Variants in ZFYVE1 observed in about 807,000 individuals in gnomAD.
The protein encoded by ZFYVE1 is zinc finger FYVE domain-containing protein 1.
A neutral mutation model predicts 74.4 loss-of-function variants in ZFYVE1; 30 were observed. The ratio of observed to expected loss-of-function variants is 0.40; its 90% confidence interval spans 0.30 to 0.55. The LOEUF (loss-of-function observed/expected upper bound fraction) is 0.55. Among genes scored for constraint, ZFYVE1 ranks in the 20% least tolerant of loss-of-function variants. ZFYVE1 has a pLI of 0.42. For missense variants in ZFYVE1, 703 were observed against 1,011.6 expected (o/e 0.69, Z 4.14); for synonymous variants, 335 against 385.1 (o/e 0.87, Z 1.52).
chr14:73,021,317 C>T (rs914594275), intron 2 of ZFYVE1, among the ~76,000 whole-genome samples: 3 of 151,588 alleles, frequency 2.0e-5, no homozygotes, highest in African/African-American at 4.9e-5. Flanking sequence ...CACTGCACTC[C>T]AGCCTGGGGG....
intron 2 of ZFYVE1, among the ~76,000 whole-genome samples, chr14:73,012,989 G>C (rs1755794739): frequency 6.6e-6 from 1 of 152,130 alleles, no homozygotes; most frequent in Non-Finnish European, 1.5e-5. Context: ...GGATCATGCT[G>C]CCCCTTCACT....
intron 2 of ZFYVE1, among the ~76,000 whole-genome samples, chr14:73,009,508 G>T (rs976896925): frequency 6.6e-6 from 1 of 152,220 alleles, no homozygotes; most frequent in Non-Finnish European, 1.5e-5. Context: ...TGTAATCTCA[G>T]CACTATGGGA....
At chr14:73,009,523 G>A (rs187917767) in intron 2 of ZFYVE1, among the ~76,000 whole-genome samples, 2 of 152,348 alleles carry the variant, frequency 1.3e-5, no homozygotes, top group East Asian at 1.9e-4. Flanking sequence ...ATGGGAGGCC[G>A]AGGCGGGAGG....
chr14:72,990,543 C>T (rs568359755), intron 4 of ZFYVE1, among the ~76,000 whole-genome samples: 8 of 151,080 alleles, frequency 5.3e-5, no homozygotes, highest in East Asian at 3.9e-4. Flanking sequence ...ATTACAGCCA[C>T]GCACCACCAC....
chr14:72,981,218 T>G (rs527389179), intron 5 of ZFYVE1, among the ~76,000 whole-genome samples: 1 of 152,182 alleles, frequency 6.6e-6, no homozygotes, highest in Non-Finnish European at 1.5e-5. Flanking sequence ...ATCTTAAACA[T>G]AGCAATGCAG....
chr14:73,013,036 G>A (rs910661019), intron 2 of ZFYVE1, among the ~76,000 whole-genome samples: 2 of 152,096 alleles, frequency 1.3e-5, no homozygotes, highest in Non-Finnish European at 2.9e-5. Flanking sequence ...CCAGAACCAG[G>A]CTCTGACAGT....
chr14:72,992,625 C>CCCA (rs1491527805), intron 4 of ZFYVE1, among the ~76,000 whole-genome samples: 2 of 107,758 alleles, frequency 1.9e-5, no homozygotes, highest in Non-Finnish European at 4.0e-5. Flanking sequence ...GCCCCCCCCG[C>CCCA]CCCTTGCAAG....
intron 4 of ZFYVE1, among the ~76,000 whole-genome samples, chr14:72,986,673 C>G (rs1314448308): frequency 6.6e-6 from 1 of 151,220 alleles, no homozygotes; most frequent in Non-Finnish European, 1.5e-5. Flanking sequence ...GGACTACAGG[C>G]GCGTGCCACC....
At chr14:72,990,568 G>T (rs1252673356) in intron 4 of ZFYVE1, among the ~76,000 whole-genome samples, 1 of 149,276 alleles carries the variant, frequency 6.7e-6, no homozygotes, top group Non-Finnish European at 1.5e-5. Flanking sequence ...AGCTAATTTC[G>T]TATTTTTAGT....
intron 2 of ZFYVE1, among the ~76,000 whole-genome samples, chr14:73,012,982 T>G (rs1378695834): frequency 6.6e-6 from 1 of 152,124 alleles, no homozygotes; most frequent in Non-Finnish European, 1.5e-5. Context: ...TTGCTCAGGA[T>G]CATGCTGCCC....
At chr14:73,003,048 T>C (rs1221750328) in intron 2 of ZFYVE1, among the ~76,000 whole-genome samples, 3 of 108,450 alleles carry the variant, frequency 2.8e-5, no homozygotes, top group South Asian at 3.1e-4. Context: ...GCCCTTTTTT[T>C]CTTTTCTTTT....
chr14:72,994,322 C>CAAAAAAAA (rs71109776), intron 3 of ZFYVE1, among the ~76,000 whole-genome samples: 420 of 31,120 alleles, frequency 0.013, 43 homozygotes, highest in African/African-American at 0.035. Context: ...GACGCTGTCT[C>CAAAAAAAA]AAAAAAAAAA....
intron 2 of ZFYVE1, among the ~76,000 whole-genome samples, chr14:73,022,251 G>T (rs1894334133): frequency 6.6e-6 from 1 of 152,174 alleles, no homozygotes; most frequent in African/African-American, 2.4e-5. Context: ...ATCTGTGTTA[G>T]CAAAGTATTA....
chr14:73,016,760 G>A (rs1275540490), intron 2 of ZFYVE1, among the ~76,000 whole-genome samples: 1 of 151,648 alleles, frequency 6.6e-6, no homozygotes, highest in Non-Finnish European at 1.5e-5. Flanking sequence ...TGTAATCCCA[G>A]CTACTCAGGA....
At chr14:73,014,575 A>G (rs922216986) in intron 2 of ZFYVE1, among the ~76,000 whole-genome samples, 1 of 152,250 alleles carries the variant, frequency 6.6e-6, no homozygotes, top group East Asian at 1.9e-4. Context: ...TAAGAAACCA[A>G]TAATAGATAT....
chr14:73,010,933 C>T (rs1894078868), intron 2 of ZFYVE1, among the ~76,000 whole-genome samples: 1 of 151,662 alleles, frequency 6.6e-6, no homozygotes, highest in African/African-American at 2.4e-5. Flanking sequence ...AAGGATTTTA[C>T]ATATGTTTTT....
Position 72,978,234 on chromosome 14 carries a change from C to T in ZFYVE1, c.1420G>A (p.Ala474Thr), listed in dbSNP as rs148974502. ...QYDNRVYTCK[A>T]CYERGEEVSV... ...ACTTCCTCGCCTCTCTCATAGCAGGCCTGAAACAGGAAACACTCTGCTAGC... is the reference window on the plus strand; with the variant it reads ...ACTTCCTCGCCTCTCTCATAGCAGGTCTGAAACAGGAAACACTCTGCTAGC... Residue 474 changes from alanine (A) to threonine (T), a missense_variant and splice_region_variant, in exon 7 of 12, where the codon GCC becomes ACC. Ala to Thr is a moderately conservative substitution (Grantham distance 58, BLOSUM62 0). Transcript: ENST00000556143. The T allele has an allele frequency of 3.0e-4, 487 of 1,613,508 alleles. 1 individual carries two copies. Among genetic ancestry groups the T allele is most frequent in the Non-Finnish European group, 3.8e-4 (451 of 1,179,656 alleles).
intron 2 of ZFYVE1, among the ~76,000 whole-genome samples, chr14:73,015,490 C>G (rs1894183720): frequency 6.6e-6 from 1 of 152,026 alleles, no homozygotes; most frequent in Middle Eastern, 3.4e-3. Flanking sequence ...CCCCTGGGTT[C>G]ATGCAATTCT....
At chr14:72,989,111 A>G (rs759363963) in intron 4 of ZFYVE1, among the ~76,000 whole-genome samples, 2 of 151,950 alleles carry the variant, frequency 1.3e-5, no homozygotes, top group African/African-American at 2.4e-5. Context: ...TATTTTTAAT[A>G]GAGATGGGGT....
Sources: gnomAD v4.1 joint callset for allele counts (sites outside exome capture counted in the v4.1 genomes callset) on GRCh38, gnomAD v4.1.1 for gene constraint, MANE v1.5 for transcripts, NCBI Gene and HGNC (gene_info 2026-07-23, HGNC 2026-07-21) for gene names.